RORA: variants seen among roughly 807,000 people sequenced by gnomAD.
RORA encodes RAR related orphan receptor A, also known as nuclear receptor ROR-alpha.
Under a neutral mutation model 69.5 loss-of-function variants are expected in RORA, and 7 were observed. The ratio of observed to expected loss-of-function variants is 0.10; its 90% CI spans 0.06 to 0.19. The LOEUF is 0.19. Ranked by LOEUF, RORA falls within the 10% of genes least tolerant of loss-of-function variation. The pLI, the probability that RORA is intolerant of heterozygous loss-of-function variation, is 1.00. For missense variants in RORA, 457 were observed against 663.0 expected (o/e 0.69, Z 3.41); for synonymous variants, 261 against 240.8 (o/e 1.08, Z -0.78).
chr15:60,830,573 C>T (rs1020121099), intron 1 of RORA, among the ~76,000 whole-genome samples: 17 of 152,318 alleles, frequency 1.1e-4, no homozygotes, highest in African/African-American at 4.1e-4. Context: ...AAATTGTTCC[C>T]TGGCTTCTGT....
intron 1 of RORA, among the ~76,000 whole-genome samples, chr15:61,107,885 A>C (rs921665048): frequency 6.6e-6 from 1 of 152,144 alleles, no homozygotes; most frequent in Non-Finnish European, 1.5e-5. Flanking sequence ...TAACCTTCTG[A>C]CCAGATCAAA....
At chr15:60,824,635 G>T (rs2072934285) in intron 1 of RORA, among the ~76,000 whole-genome samples, 1 of 152,084 alleles carries the variant, frequency 6.6e-6, no homozygotes, top group Non-Finnish European at 1.5e-5. Context: ...ACCTTCCTTT[G>T]TCTCAGTTTC....
At chr15:60,742,266 A>G (rs1420471867) in intron 1 of RORA, among the ~76,000 whole-genome samples, 2 of 152,236 alleles carry the variant, frequency 1.3e-5, no homozygotes, top group Non-Finnish European at 2.9e-5. Context: ...TAAAAATGTT[A>G]TATGCTCACT....
chr15:60,843,656 G>A (rs539763270), intron 1 of RORA, among the ~76,000 whole-genome samples: 26 of 152,132 alleles, frequency 1.7e-4, no homozygotes, highest in South Asian at 4.2e-4. Context: ...CACTCTGACC[G>A]TGGCAAGCCA....
chr15:60,920,851 A>G (rs1456568176), intron 1 of RORA, among the ~76,000 whole-genome samples: 1 of 152,194 alleles, frequency 6.6e-6, no homozygotes, highest in Non-Finnish European at 1.5e-5. Flanking sequence ...ATGACATGCT[A>G]TTGTGTAAAA....
chr15:61,053,263 AT>A (rs201659766), intron 1 of RORA, among the ~76,000 whole-genome samples: 6,922 of 147,966 alleles, frequency 0.047, 224 homozygotes, highest in East Asian at 0.14. Flanking sequence ...CTGCAAAAAC[AT>A]TTTTTTTTTT....
At chr15:61,049,530 A>G (rs1343569080) in intron 1 of RORA, among the ~76,000 whole-genome samples, 1 of 152,218 alleles carries the variant, frequency 6.6e-6, no homozygotes, top group African/African-American at 2.4e-5. Flanking sequence ...CAGCATTTCT[A>G]ACTGGTAGCA....
intron 2 of RORA, among the ~76,000 whole-genome samples, chr15:60,590,515 G>A: frequency 6.6e-6 from 1 of 152,068 alleles, no homozygotes; most frequent in East Asian, 1.9e-4. Context: ...TCAGCCTCTC[G>A]CCTTTCCTCC....
In RORA at chr15:61,213,224, T is replaced by C. The variant is rs1596076584; in HGVS notation, c.166+15829A>G. Among the ~76,000 whole-genome samples, 5 of 152,172 alleles carry C rather than the reference T, an allele frequency of 3.3e-5. No individual in the cohort carries two copies. In the South Asian group the frequency reaches 1.0e-3, roughly 32 times the overall value. ...ATCATGTTCTTCCAACTCCACTTCC[T>C]GGGGAATCCTACCGCAGAGTCAACT... On this transcript the variant is annotated intron_variant, in intron 1 of 10. Coordinates refer to ENST00000335670, the MANE Select transcript of RORA (RefSeq NM_134261.3). This position sits in a 1 kb window ranked among gnomAD's most constrained non-coding sequence, Gnocchi z 4.1.
intron 1 of RORA, among the ~76,000 whole-genome samples, chr15:61,014,270 G>T (rs1374601885): frequency 7.9e-5 from 12 of 152,206 alleles, no homozygotes; most frequent in Non-Finnish European, 1.8e-4. Flanking sequence ...TTACTGTTGA[G>T]ATTATTACAG....
chr15:60,977,672 G>A (rs1478919643), intron 1 of RORA, among the ~76,000 whole-genome samples: 5 of 152,046 alleles, frequency 3.3e-5, no homozygotes, highest in Non-Finnish European at 7.4e-5. Flanking sequence ...TGATGACTTT[G>A]CCTATTTTGA....
chr15:61,164,874 GCAC>G (rs1335109382), intron 1 of RORA, among the ~76,000 whole-genome samples: 1 of 152,142 alleles, frequency 6.6e-6, no homozygotes, highest in African/African-American at 2.4e-5. Flanking sequence ...TTTCCAAGAA[GCAC>G]CACAAAATTG....
chr15:60,834,819 C>T (rs984801104), intron 1 of RORA, among the ~76,000 whole-genome samples: 2 of 152,130 alleles, frequency 1.3e-5, no homozygotes, highest in African/African-American at 2.4e-5. Flanking sequence ...CCCAATGCCT[C>T]GAGTTTTCCT....
At chr15:60,821,990 T>A (rs1452235736) in intron 1 of RORA, among the ~76,000 whole-genome samples, 1 of 150,092 alleles carries the variant, frequency 6.7e-6, no homozygotes, top group Non-Finnish European at 1.5e-5. Context: ...AATAAAGCAA[T>A]GAGTAGCAGT....
chr15:61,184,175 ATAAGT>A (rs2079716530), intron 1 of RORA, among the ~76,000 whole-genome samples: 1 of 152,222 alleles, frequency 6.6e-6, no homozygotes, highest in African/African-American at 2.4e-5. Flanking sequence ...TTCCCATTCC[ATAAGT>A]TAAAACATAA....
intron 1 of RORA, among the ~76,000 whole-genome samples, chr15:61,091,193 C>T (rs1047112246): frequency 6.6e-6 from 1 of 152,112 alleles, no homozygotes; most frequent in African/African-American, 2.4e-5. Flanking sequence ...CTTCTGTTGC[C>T]GTTGAATTAC....
At chr15:60,969,676 C>G (rs796569815) in intron 1 of RORA, among the ~76,000 whole-genome samples, 77 of 152,304 alleles carry the variant, frequency 5.1e-4, no homozygotes, top group African/African-American at 1.8e-3. Flanking sequence ...CTATCCCTCT[C>G]TACACACCAA....
intron 1 of RORA, among the ~76,000 whole-genome samples, chr15:61,209,676 GCTAA>G (rs2079973404): frequency 1.3e-5 from 2 of 152,184 alleles, no homozygotes; most frequent in Non-Finnish European, 2.9e-5. Context: ...AGCAGCCTGA[GCTAA>G]CTAAGACAGC....
At chr15:61,162,985 G>T (rs547897138) in intron 1 of RORA, among the ~76,000 whole-genome samples, 1 of 152,308 alleles carries the variant, frequency 6.6e-6, no homozygotes, top group South Asian at 2.1e-4. Context: ...GATTCATAAG[G>T]TGCAAGGACC....
Sources: allele counts gnomAD v4.1 joint callset (sites outside exome capture counted in the v4.1 genomes callset), GRCh38; gene constraint gnomAD v4.1.1; non-coding constraint Gnocchi (gnomAD v3.1); transcripts MANE v1.5; gene names NCBI Gene and HGNC (gene_info 2026-07-23, HGNC 2026-07-21).